ITCH: variants seen among roughly 807,000 people sequenced by gnomAD.
The protein encoded by ITCH is E3 ubiquitin-protein ligase Itchy homolog.
A neutral mutation model predicts 126.8 loss-of-function variants in ITCH; 28 were observed. The ratio of observed to expected loss-of-function variants is 0.22; its 90% confidence interval spans 0.16 to 0.30. The LOEUF (loss-of-function observed/expected upper bound fraction) is 0.30. ITCH is among the 10% of genes least tolerant of loss of function. The pLI is 1.00. For missense variants in ITCH, 631 were observed against 1,032.4 expected (o/e 0.61, Z 5.33); for synonymous variants, 342 against 340.0 (o/e 1.01, Z -0.06).
chr20:34,380,780 CTT>C (rs1233859484), intron 2 of ITCH, among the ~76,000 whole-genome samples: 1 of 151,650 alleles, frequency 6.6e-6, no homozygotes, highest in Admixed American at 6.6e-5. Flanking sequence ...AAATTAGAAA[CTT>C]TGACCCTTTT....
At chr20:34,379,435 A>T (rs1484087279) in intron 2 of ITCH, among the ~76,000 whole-genome samples, 3 of 152,096 alleles carry the variant, frequency 2.0e-5, no homozygotes, top group African/African-American at 7.2e-5. Flanking sequence ...CGGTCTCTAG[A>T]ACTTTTTCAT....
Position 34,438,646 on chromosome 20 carries a change from T to C in ITCH, c.679+15T>C. On this transcript the variant is annotated intron_variant, in intron 8 of 24. Coordinates refer to ENST00000374864, the MANE Select transcript of ITCH (RefSeq NM_031483.7). ...ACGTAGACCAGGTTTGTATTCCAGCTCTCAATACTCTTGGAAATAATGTCC... is the reference window on the plus strand; with the variant it reads ...ACGTAGACCAGGTTTGTATTCCAGCCCTCAATACTCTTGGAAATAATGTCC... 8 of 1,613,348 alleles carry C rather than the reference T, an allele frequency of 5.0e-6. No homozygotes were observed. Among genetic ancestry groups the C allele is most frequent in the Non-Finnish European group, 6.8e-6 (8 of 1,179,716 alleles).
intron 13 of ITCH, among the ~76,000 whole-genome samples, chr20:34,459,155 A>C (rs530659101): frequency 6.6e-6 from 1 of 152,352 alleles, no homozygotes; most frequent in African/African-American, 2.4e-5. Context: ...AGTTACTAGA[A>C]GTACTGAGAA....
intron 16 of ITCH, among the ~76,000 whole-genome samples, chr20:34,474,777 C>T (rs1035116105): frequency 8.5e-6 from 1 of 117,816 alleles, no homozygotes; most frequent in African/African-American, 3.0e-5. Context: ...GACAGGGCGG[C>T]TGGCCGGGCG....
At chr20:34,420,152 A>G (rs1419126131) in intron 6 of ITCH, among the ~76,000 whole-genome samples, 1 of 152,190 alleles carries the variant, frequency 6.6e-6, no homozygotes, top group Non-Finnish European at 1.5e-5. Flanking sequence ...TGTACACCTT[A>G]ATGGTGTTTA....
In ITCH at chr20:34,440,128, T is replaced by G. The variant is rs201408637; in HGVS notation, c.680-27T>G. ...GAATTTTAGAAAATGAAAGATTCTT[T>G]TCCTATTTTCCCCAAATCTTTTATA... On this transcript the variant is annotated intron_variant, in intron 8 of 24. Transcript: ENST00000374864. The G allele has an allele frequency of 2.4e-5, 36 of 1,520,808 alleles. No individual in the cohort carries two copies. The African/African-American group carries it at 3.7e-4, about 16-fold the overall frequency. The allele number at this position is 1,520,808 out of a possible 1,614,324, so 94.2% of individuals were successfully genotyped here.
At chr20:34,425,153 A>G (rs946450475) in intron 7 of ITCH, among the ~76,000 whole-genome samples, 5 of 152,062 alleles carry the variant, frequency 3.3e-5, no homozygotes, top group African/African-American at 1.2e-4. Flanking sequence ...TCACAGAAAC[A>G]TGTGCTGTAT....
At chr20:34,456,298 C>T (rs1335825453) in intron 12 of ITCH, among the ~76,000 whole-genome samples, 1 of 126,698 alleles carries the variant, frequency 7.9e-6, no homozygotes, top group Non-Finnish European at 1.6e-5. Context: ...GATCTCAGCT[C>T]ACTGCAGTCT....
In ITCH at chr20:34,411,245, G is replaced by A. The variant is rs145648165; in HGVS notation, c.213-1270G>A. 3.5e-3 allele frequency among the ~76,000 whole-genome samples: 530 copies of A among 152,094 alleles called. 2 individuals carry two copies. The highest frequency in any genetic ancestry group is 0.012 in the African/African-American group (504 of 41,492). On this transcript the variant is annotated intron_variant, in intron 4 of 24. Transcript: ENST00000374864. ...CTGCTCACTGCAACCTCCACCTCCCGGGTTCAAGCAAGTCTCATGCCTCAG... is the reference window on the plus strand; with the variant it reads ...CTGCTCACTGCAACCTCCACCTCCCAGGTTCAAGCAAGTCTCATGCCTCAG...
intron 1 of ITCH, among the ~76,000 whole-genome samples, chr20:34,367,740 A>G (rs2037471022): frequency 1.3e-5 from 2 of 152,198 alleles, no homozygotes; most frequent in Non-Finnish European, 2.9e-5. Context: ...TAAAGGTTAA[A>G]TAATTTACCT....
At chr20:34,402,321 CTGTT>C (rs2038915711) in intron 3 of ITCH, 14 of 1,114,880 alleles carry the variant, frequency 1.3e-5, no homozygotes, top group Non-Finnish European at 1.9e-5. Flanking sequence ...TGATAGGCTT[CTGTT>C]TGTTCTTGGC....
intron 23 of ITCH, among the ~76,000 whole-genome samples, chr20:34,496,587 C>A (rs1226831127): frequency 1.3e-5 from 2 of 152,020 alleles, no homozygotes; most frequent in East Asian, 1.9e-4. Flanking sequence ...GGGTGGATCA[C>A]CTGAGGTCGG....
intron 16 of ITCH, among the ~76,000 whole-genome samples, chr20:34,477,518 A>C (rs1988346001): frequency 6.6e-6 from 1 of 152,178 alleles, no homozygotes; most frequent in Admixed American, 6.5e-5. Flanking sequence ...AACGAGGGAG[A>C]GACTGTCTAA....
At chr20:34,470,387 A>G (rs1156365187) in intron 15 of ITCH, among the ~76,000 whole-genome samples, 2 of 151,658 alleles carry the variant, frequency 1.3e-5, no homozygotes, top group Non-Finnish European at 2.9e-5. Context: ...GTTCAGGACC[A>G]GTCTGGGCAA....
chr20:34,391,639 T>G (rs1323199806), intron 2 of ITCH, among the ~76,000 whole-genome samples: 3 of 152,184 alleles, frequency 2.0e-5, no homozygotes, highest in African/African-American at 7.2e-5. Flanking sequence ...TTTCAAGAAT[T>G]TAAAATGCTT....
At chr20:34,391,139 G>A (rs945134733) in intron 2 of ITCH, among the ~76,000 whole-genome samples, 6 of 152,278 alleles carry the variant, frequency 3.9e-5, no homozygotes, top group South Asian at 2.1e-4. Flanking sequence ...GACTTGAAGT[G>A]TGGATTATCT....
rs1387791239 is a variant in ITCH, at chr20:34,475,931, G to A, written c.1570-1841G>A. On this transcript the variant is annotated intron_variant, in intron 16 of 24. Coordinates refer to ENST00000374864, the MANE Select transcript of ITCH (RefSeq NM_031483.7). ...ATTCCTATTTGTTCTAGTTCAGGAG[G>A]TCTTGCCCACATCAATGGATTGTCT... 6.1e-6 allele frequency: 8 copies of A among 1,308,386 alleles called. No individual in the cohort carries two copies. The Admixed American group carries it at 8.4e-5, about 14-fold the overall frequency. The allele number at this position is 1,308,386 out of a possible 1,614,324, so 81.0% of individuals were successfully genotyped here. A position where few individuals can be genotyped will look rare whatever the true frequency, so the allele number is the denominator to read the frequency against.
At chr20:34,490,525 C>T (rs1281807864) in intron 22 of ITCH, among the ~76,000 whole-genome samples, 1 of 152,166 alleles carries the variant, frequency 6.6e-6, no homozygotes, top group Non-Finnish European at 1.5e-5. Context: ...TGCCTGTAAT[C>T]CCAGCTACTT....
chr20:34,441,589 TA>T, intron 9 of ITCH: 1 of 91,434 alleles, frequency 1.1e-5, no homozygotes, highest in Non-Finnish European at 2.1e-5. Context: ...CATGCCCAGC[TA>T]ATTTTTTTTT....
Sources: gnomAD v4.1 joint callset for allele counts (sites outside exome capture counted in the v4.1 genomes callset) on GRCh38, gnomAD v4.1.1 for gene constraint, MANE v1.5 for transcripts, NCBI Gene and HGNC (gene_info 2026-07-23, HGNC 2026-07-21) for gene names.